Variants in SSC5D observed in about 807,000 individuals in gnomAD.
SSC5D encodes scavenger receptor cysteine rich family member with 5 domains, also known as soluble scavenger receptor cysteine-rich domain-containing protein SSC5D.
SSC5D carries 106 observed loss-of-function variants against 104.6 expected under a neutral mutation model. The observed-to-expected ratio is 1.01, with a 90% CI of 0.87 to 1.19. SSC5D has a LOEUF of 1.19. Ranked by LOEUF, SSC5D falls within the 50% of genes most tolerant of loss-of-function variation. The probability of loss-of-function intolerance (pLI) is 0.00; values close to 1 mark genes in which losing one functional copy is unlikely to be tolerated. For missense variants in SSC5D, 1,993 were observed against 2,153.8 expected, an observed-to-expected ratio of 0.93 and a Z score of 1.48; for synonymous variants, 860 against 883.5, an observed-to-expected ratio of 0.97 and a Z score of 0.47.
rs1987945621 is a variant in SSC5D at position 55,518,521 on chromosome 19, C to T, written c.4245C>T (p.Ser1415=). The T allele has an allele frequency of 6.4e-7, 1 of 1,550,944 alleles. No individual in the cohort carries two copies. The highest frequency in any genetic ancestry group is 1.2e-5 in the South Asian group (1 of 84,042). The change falls in exon 14 of 14, where the codon AGC becomes AGT. Residue 1415 remains serine (S), a synonymous_variant. Transcript: ENST00000389623. Reference sequence around the variant, plus strand: ...CTGAGGACTTCAAGCCACCCAGAAGCCAGAGCCCCAACCTAACCCCTCCAC... The same window carrying T: ...CTGAGGACTTCAAGCCACCCAGAAGTCAGAGCCCCAACCTAACCCCTCCAC... ...LSTEDFKPPR[S]QSPNLTPPPT... is the part of the protein sequence containing the mutation.
chr19:55,495,233 AT>A (rs74181759), intron 8 of SSC5D, among the ~76,000 whole-genome samples: 142 of 50,598 alleles, frequency 2.8e-3, no homozygotes, highest in African/African-American at 9.4e-3. Context: ...ATATATATAT[AT>A]TTTTTTTTTT....
At chr19:55,493,994 G>GGGGGGGGCC in intron 7 of SSC5D, 82 bp downstream of exon 7, 1 of 143,314 alleles carries the variant, frequency 7.0e-6, no homozygotes, top group Non-Finnish European at 1.4e-5. Context: ...GGGCGGGGGG[G>GGGGGGGGCC]TCCCTACGCG....
chr19:55,501,504 G>T (rs1987503695), intron 12 of SSC5D, among the ~76,000 whole-genome samples: 3 of 152,170 alleles, frequency 2.0e-5, no homozygotes, highest in Admixed American at 2.0e-4. Flanking sequence ...ACAACCAAGG[G>T]CCATTCTGTC....
At chr19:55,513,379 G>T (rs1362056804) in intron 13 of SSC5D, among the ~76,000 whole-genome samples, 1 of 152,120 alleles carries the variant, frequency 6.6e-6, no homozygotes, top group Non-Finnish European at 1.5e-5. Flanking sequence ...GCTTAAGCTC[G>T]GGAGTTTGAG....
Position 55,490,349 on chromosome 19 carries a change from G to A in SSC5D, c.527G>A (p.Arg176Gln), listed in dbSNP as rs923075163. 2.0e-5 allele frequency: 30 copies of A among 1,519,684 alleles called. No homozygotes were observed. Among genetic ancestry groups the A allele is most frequent in the African/African-American group, 5.6e-5 (4 of 71,954 alleles). 94.1% of individuals were successfully genotyped at this position (1,519,684 alleles called of 1,614,324 possible). Residue 176 changes from arginine to glutamine, a missense_variant, in exon 5 of 14, where the codon CGG becomes CAG. By Grantham distance (43) the Arg-to-Gln change is conservative. This residue lies in a region of SSC5D where 1,101 missense variants were observed against 1,085.0 expected (regional missense o/e 1.01). Coordinates refer to ENST00000389623, the MANE Select transcript of SSC5D (RefSeq NM_001144950.2). ...AACGCCTCCCGGAAGAAGAGCCCCC[G>A]GCCCAAGCAGGCCAAGTCCACCCGG... is the stretch of plus-strand genomic sequence containing the variant. ...PQNASRKKSP[R>Q]PKQAKSTRAP...
chr19:55,490,849 G>T lies in SSC5D; in HGVS notation c.664G>T (p.Val222Leu), dbSNP rs866518503. 3.9e-6 allele frequency: 6 copies of T among 1,547,260 alleles called. No homozygotes were observed. The Admixed American group carries it at 1.2e-4, about 31-fold the overall frequency. ...EVWHGGRWGT[V>L]CDDGWDLRDA... ...CTGGCACGGCGGGCGCTGGGGCACC[G>T]TATGTGACGATGGCTGGGACCTGCG... Residue 222 changes from valine (V) to leucine (L), a missense_variant, in exon 6 of 14, where the codon GTA becomes TTA. Val to Leu is a conservative substitution (Grantham distance 32, BLOSUM62 1). Around this residue, in one of 6 missense-constraint regions of SSC5D, gnomAD observed 1,101 missense variants for 1,085.0 expected, o/e 1.01. Coordinates refer to ENST00000389623, the MANE Select transcript of SSC5D (RefSeq NM_001144950.2).
rs186168704 is a variant in SSC5D at position 55,501,074 on chromosome 19, C to T, written c.2658C>T (p.Asp886=). 6.4e-7 allele frequency: 1 copy of T among 1,551,728 alleles called. No individual in the cohort carries two copies. The highest frequency in any genetic ancestry group is 1.4e-5 in the African/African-American group (1 of 73,004). The change falls in exon 12 of 14, where the codon GAC becomes GAT. Residue 886 remains aspartate, a synonymous_variant. Coordinates refer to ENST00000389623, the MANE Select transcript of SSC5D (RefSeq NM_001144950.2). ...ACGATTATCCCCCCTGGACCTGGGA[C>T]CCCACCTCAAGAGAGGACCTGGCCA... ...DYDDYPPWTW[D]PTSREDLAKG... is the part of the protein sequence containing the mutation.
In SSC5D at chr19:55,503,984, C is replaced by T; in HGVS notation, c.2785+2783C>T. 1.2e-6 allele frequency: 1 copy of T among 868,460 alleles called. No homozygotes were observed. Among genetic ancestry groups the T allele is most frequent in the Non-Finnish European group, 1.7e-6 (1 of 586,652 alleles). The allele number at this position is 868,460 out of a possible 1,614,324, so 53.8% of individuals were successfully genotyped here. The stretch of plus-strand genomic sequence containing the variant: ...ATCGCCCGCAGTAATAATAGCTGGG[C>T]GAAGGGCAACCAGGCCCCAAGAAGC... On this transcript the variant is annotated intron_variant, in intron 12 of 13. Transcript: ENST00000389623. This position sits in a 1 kb window ranked among gnomAD's most constrained non-coding sequence, Gnocchi z 4.0.
Position 55,514,406 on chromosome 19 carries a change from AAATAATAATAAT to A in SSC5D, c.2947+1275_2947+1286del, listed in dbSNP as rs55837985. Among the ~76,000 whole-genome samples the A allele has an allele frequency of 5.3e-3, 525 of 99,574 alleles. 5 individuals carry two copies. The highest frequency in any genetic ancestry group is 0.01 in the African/African-American group (248 of 24,334). The allele number at this position is 99,574 out of a possible 152,430, so 65.3% of individuals were successfully genotyped here. On this transcript the variant is annotated intron_variant, in intron 13 of 13. Coordinates refer to ENST00000389623, the MANE Select transcript of SSC5D (RefSeq NM_001144950.2). ...GGCAACAGAGTGAGACTCTGTCTCA[AAATAATAATAAT>A]AATAATAATAATAATAATAATAATA... is the stretch of plus-strand genomic sequence containing the variant.
intron 13 of SSC5D, among the ~76,000 whole-genome samples, chr19:55,516,539 T>C (rs973160241): frequency 2.6e-5 from 4 of 151,232 alleles, no homozygotes; most frequent in African/African-American, 4.9e-5. Context: ...CCTATCCGCC[T>C]CGCTGGGCTC....
chr19:55,499,893 T>C lies in SSC5D; in HGVS notation c.1783T>C (p.Trp595Arg). Residue 595 changes from tryptophan to arginine, a missense_variant, in exon 10 of 14, where the codon TGG becomes CGG. Trp to Arg is a moderately radical substitution (Grantham distance 101). This residue lies in a region of SSC5D where 1,101 missense variants were observed against 1,085.0 expected (regional missense o/e 1.01). Coordinates refer to ENST00000389623, the MANE Select transcript of SSC5D (RefSeq NM_001144950.2). The part of the protein sequence containing the change: ...IPGLGRDRDA[W>R]LPGELATKPS... The stretch of plus-strand genomic sequence containing the variant: ...TGGACTGGGGAGAGATCGGGATGCC[T>C]GGCTCCCGGGAGAGCTGGCCACCAA... 6.4e-7 allele frequency: 1 copy of C among 1,551,568 alleles called. No homozygotes were observed.
At position 55,495,233 on chromosome 19, in the gene SSC5D, A is replaced by ATT. The variant is rs74181759; in HGVS notation, c.1387+476_1387+477dup. On this transcript the variant is annotated intron_variant, in intron 8 of 13. Transcript: ENST00000389623. ...CCTCCTTTCATATATATATATATAT[A>ATT]TTTTTTTTTTTTTTTTTTTTTTTTT... 1.2e-4 allele frequency among the ~76,000 whole-genome samples: 6 copies of ATT among 50,666 alleles called. 2 individuals carry two copies. Among genetic ancestry groups the ATT allele is most frequent in the African/African-American group, 4.9e-4 (5 of 10,230 alleles). The allele number at this position is 50,666 out of a possible 152,430, so 33.2% of individuals were successfully genotyped here.
intron 8 of SSC5D, among the ~76,000 whole-genome samples, chr19:55,497,516 T>C (rs532420313): frequency 6.6e-6 from 1 of 152,320 alleles, no homozygotes. Context: ...ACCACTACTA[T>C]TTGGCTACTG....
chr19:55,506,885 G>A (rs1987648222), intron 12 of SSC5D, among the ~76,000 whole-genome samples: 2 of 152,010 alleles, frequency 1.3e-5, no homozygotes, highest in Non-Finnish European at 2.9e-5. Flanking sequence ...AAAATAGGAT[G>A]GCCAGGTGTG....
intron 7 of SSC5D, among the ~76,000 whole-genome samples, 179 bp from the exon 8 acceptor site, chr19:55,494,431 C>A (rs1001541064): frequency 6.6e-6 from 1 of 152,196 alleles, no homozygotes; most frequent in African/African-American, 2.4e-5. Context: ...CGCATTCACA[C>A]CCCTCTCCCC....
chr19:55,495,058 G>C (rs1332171529), intron 8 of SSC5D, among the ~76,000 whole-genome samples: 1 of 151,264 alleles, frequency 6.6e-6, no homozygotes, highest in Non-Finnish European at 1.5e-5. Context: ...GCTGGGCTGA[G>C]AGTCTGCTCT....
Position 55,500,512 on chromosome 19 carries a change from C to T in SSC5D, c.2325C>T (p.Ala775=), listed in dbSNP as rs772232481. The T allele has an allele frequency of 1.5e-4, 225 of 1,551,466 alleles. No individual in the cohort carries two copies. The highest frequency in any genetic ancestry group is 1.7e-4 in the Non-Finnish European group (195 of 1,146,924). The change falls in exon 11 of 14, where the codon GCC becomes GCT. Residue 775 remains alanine (A), a synonymous_variant. Coordinates refer to ENST00000389623, the MANE Select transcript of SSC5D (RefSeq NM_001144950.2). This position sits in a 1 kb window ranked among gnomAD's most constrained non-coding sequence, Gnocchi z 4.6. ...GESGLFRVRL[A]DGPNRCAGRL... ...CAGGCCTGTTCCGGGTTCGTCTGGCCGATGGGCCCAACCGCTGTGCTGGCC... is the reference window on the plus strand; with the variant it reads ...CAGGCCTGTTCCGGGTTCGTCTGGCTGATGGGCCCAACCGCTGTGCTGGCC...
At chr19:55,506,936 G>A (rs1035675970) in intron 12 of SSC5D, among the ~76,000 whole-genome samples, 5 of 152,004 alleles carry the variant, frequency 3.3e-5, no homozygotes, top group African/African-American at 1.2e-4. Flanking sequence ...GGAGGCTGAG[G>A]CAGAGGGATC....
At chr19:55,505,219 G>A (rs774099902) in intron 12 of SSC5D, among the ~76,000 whole-genome samples, 48 of 151,830 alleles carry the variant, frequency 3.2e-4, no homozygotes, top group Admixed American at 5.9e-4. Context: ...AACAACAGCT[G>A]CAGGATTTCA....
Sources: allele counts gnomAD v4.1 joint callset (sites outside exome capture counted in the v4.1 genomes callset), GRCh38; gene constraint gnomAD v4.1.1; regional missense constraint gnomAD v4.1.1; non-coding constraint Gnocchi (gnomAD v3.1); transcripts MANE v1.5; gene names NCBI Gene and HGNC (gene_info 2026-07-23, HGNC 2026-07-21).